Variants in CACYBP observed in about 807,000 individuals in gnomAD.
The protein encoded by CACYBP is calcyclin binding protein.
CACYBP carries 11 observed loss-of-function variants against 29.6 expected under a neutral mutation model. That is an observed-to-expected ratio of 0.37 (90% CI 0.23 to 0.61). The LOEUF is 0.61. Among genes scored for constraint, CACYBP ranks in the 20% least tolerant of loss-of-function variants. The pLI is 0.65. For missense variants in CACYBP, 163 were observed against 260.7 expected (o/e 0.63, Z 2.58); for synonymous variants, 73 against 88.3 (o/e 0.83, Z 0.97).
Position 175,010,008 on chromosome 1 carries a change from A to C in CACYBP, c.616A>C (p.Met206Leu), listed in dbSNP as rs775702921. Reference sequence around the variant, plus strand: ...AATTTATGAAGATGGAGACGATGATATGAAGCGAACCATTAATAAAGCCTG... The same window carrying C: ...AATTTATGAAGATGGAGACGATGATCTGAAGCGAACCATTAATAAAGCCTG... ...KKIYEDGDDD[M>L]KRTINKAWVE... The change falls in exon 6 of 6, where the codon ATG (methionine) becomes CTG (leucine). Residue 206 changes from methionine (M) to leucine (L), a missense_variant. By Grantham distance (15) the Met-to-Leu change is conservative. Coordinates refer to ENST00000367679, the MANE Select transcript of CACYBP (RefSeq NM_014412.3). 1 of 1,613,726 alleles carries C rather than the reference A, an allele frequency of 6.2e-7. No homozygotes were observed.
chr1:175,008,148 G>A (rs984204795), intron 4 of CACYBP, among the ~76,000 whole-genome samples: 2 of 151,836 alleles, frequency 1.3e-5, no homozygotes, highest in Admixed American at 1.3e-4. Context: ...TGCCTTATAC[G>A]ACTTGGTTTC....
chr1:174,999,793 A>G (rs1672413179), upstream of CACYBP: 1 of 354,752 alleles, frequency 2.8e-6, no homozygotes, highest in Non-Finnish European at 5.2e-6. Flanking sequence ...GTCAGGGCGG[A>G]GAGCAAGACA....
chr1:175,008,475 C>A, intron 4 of CACYBP, 134 bp from the exon 5 acceptor site: 1 of 549,888 alleles, frequency 1.8e-6, no homozygotes, highest in Non-Finnish European at 3.3e-6. Context: ...CCTATTCATA[C>A]AAGTATTACT....
chr1:175,010,309 A>G lies in CACYBP; in HGVS notation c.*230A>G. On this transcript the variant is annotated 3_prime_UTR_variant, in exon 6 of 6. Transcript: ENST00000367679. ...ATTAGTACCCTGGTCATTTTGTTCAAGGAAGGGTTATATTGCATTCTCACG... is the reference window on the plus strand; with the variant it reads ...ATTAGTACCCTGGTCATTTTGTTCAGGGAAGGGTTATATTGCATTCTCACG... 2.8e-6 allele frequency: 1 copy of G among 351,822 alleles called. No individual in the cohort carries two copies. Among genetic ancestry groups the G allele is most frequent in the East Asian group, 4.6e-5 (1 of 21,714 alleles). 21.8% of individuals were successfully genotyped at this position (351,822 alleles called of 1,614,324 possible). A position where few individuals can be genotyped will look rare whatever the true frequency, so the allele number is the denominator to read the frequency against.
intron 1 of CACYBP, 134 bp downstream of exon 1, chr1:175,000,329 C>G: frequency 6.8e-7 from 1 of 1,467,052 alleles, no homozygotes; most frequent in Non-Finnish European, 9.0e-7. Context: ...GCGCCGCCTT[C>G]CCGGGGGACA....
Position 175,011,375 on chromosome 1 carries a change from A to G in CACYBP, c.*1296A>G, listed in dbSNP as rs16847701. The G allele has an allele frequency of 6.6e-6, 1 of 152,024 alleles. No homozygotes were observed. Among genetic ancestry groups the G allele is most frequent in the Admixed American group, 6.5e-5 (1 of 15,276 alleles). 9.4% of individuals were successfully genotyped at this position (152,024 alleles called of 1,614,324 possible). A position where few individuals can be genotyped will look rare whatever the true frequency, so the allele number is the denominator to read the frequency against. ...GGGGTAAAGATGGGTTTTTAATGAT[A>G]CTAAGATAACTGAAAATAGGCATAT... is the stretch of plus-strand genomic sequence containing the variant. On this transcript the variant is annotated 3_prime_UTR_variant, in exon 6 of 6. Transcript: ENST00000367679.
chr1:175,000,924 G>A (rs1231014851), intron 1 of CACYBP, among the ~76,000 whole-genome samples: 1 of 152,216 alleles, frequency 6.6e-6, no homozygotes, highest in Non-Finnish European at 1.5e-5. Context: ...TTAGAAAATG[G>A]GAATGATAGT....
At position 175,009,910 on chromosome 1, in the gene CACYBP, T is replaced by C. The variant is rs962782592; in HGVS notation, c.531-13T>C. On this transcript the variant is annotated splice_polypyrimidine_tract_variant and intron_variant, in intron 5 of 5. Coordinates refer to ENST00000367679, the MANE Select transcript of CACYBP (RefSeq NM_014412.3). The stretch of plus-strand genomic sequence containing the variant: ...TTCGTTTCCCCATTGTTGTATATGT[T>C]TTCTTTTTAAAGGAAGCCCTCCTAT... The C allele has an allele frequency of 6.3e-6, 10 of 1,599,412 alleles. No homozygotes were observed. Among genetic ancestry groups the C allele is most frequent in the Non-Finnish European group, 8.5e-6 (10 of 1,173,728 alleles).
At chr1:175,005,911 A>G (rs1209399938) in intron 2 of CACYBP, among the ~76,000 whole-genome samples, 4 of 152,176 alleles carry the variant, frequency 2.6e-5, no homozygotes, top group Non-Finnish European at 5.9e-5. Flanking sequence ...TCGAGGGTAC[A>G]TAGTAGGTGT....
chr1:175,008,387 T>A (rs1048324594), intron 4 of CACYBP, among the ~76,000 whole-genome samples: 1 of 152,104 alleles, frequency 6.6e-6, no homozygotes, highest in Admixed American at 6.6e-5. Flanking sequence ...TTTGTCTTGA[T>A]AGCACTTTCC....
chr1:175,002,656 A>T (rs1318485199), intron 1 of CACYBP, among the ~76,000 whole-genome samples: 2 of 152,232 alleles, frequency 1.3e-5, no homozygotes, highest in Non-Finnish European at 2.9e-5. Context: ...GTGCAGAAAA[A>T]GCATCAAAGG....
At position 175,008,721 on chromosome 1, in the gene CACYBP, A is replaced by G. The variant is rs143328471; in HGVS notation, c.530+15A>G. ...AAAGAAAAAGAGTGAGTCTACTTCC[A>G]TTTTTTTAAAGAATTTTAGTGTATT... On this transcript the variant is annotated intron_variant, in intron 5 of 5. Transcript: ENST00000367679. 60 of 1,217,068 alleles carry G rather than the reference A, an allele frequency of 4.9e-5. No homozygotes were observed. The African/African-American group carries it at 7.6e-4, about 15-fold the overall frequency. 75.4% of individuals were successfully genotyped at this position (1,217,068 alleles called of 1,614,324 possible).
rs1558327131 is a variant in CACYBP, at chr1:175,010,111, G to C, written c.*32G>C. Reference sequence around the variant, plus strand: ...AAAGTCGTTTTGGGAACTGTGATGTGATGTGGAAATACTGATGTTTCCAGT... The same window carrying C: ...AAAGTCGTTTTGGGAACTGTGATGTCATGTGGAAATACTGATGTTTCCAGT... On this transcript the variant is annotated 3_prime_UTR_variant, in exon 6 of 6. Coordinates refer to ENST00000367679, the MANE Select transcript of CACYBP (RefSeq NM_014412.3). The C allele has an allele frequency of 6.3e-7, 1 of 1,592,062 alleles. No homozygotes were observed. The highest frequency in any genetic ancestry group is 1.4e-5 in the African/African-American group (1 of 74,060).
Position 175,009,979 on chromosome 1 carries a change from A to C in CACYBP, c.587A>C (p.Lys196Thr). The C allele has an allele frequency of 6.2e-7, 1 of 1,613,588 alleles. No individual in the cohort carries two copies. Among genetic ancestry groups the C allele is most frequent in the Non-Finnish European group, 8.5e-7 (1 of 1,179,534 alleles). The change falls in exon 6 of 6, where the codon AAG becomes ACG. Residue 196 changes from lysine (K) to threonine (T), a missense_variant. Lys to Thr is a moderately conservative substitution (Grantham distance 78). Transcript: ENST00000367679. ...AGTGAGGGATTGATGAATGTTCTAA[A>C]GAAAATTTATGAAGATGGAGACGAT... ...DPSEGLMNVLKKIYEDGDDDM... is the reference protein window; with the variant it reads ...DPSEGLMNVLTKIYEDGDDDM...
In CACYBP at chr1:175,004,843, G is replaced by C; in HGVS notation, c.235+10G>C. ...AAAATCAGTAATTATGGTATGACTT[G>C]CTTCCCTATAGCCAGTTCTGCCTCC... is the stretch of plus-strand genomic sequence containing the variant. On this transcript the variant is annotated intron_variant, in intron 2 of 5. Transcript: ENST00000367679. The C allele has an allele frequency of 1.9e-6, 3 of 1,559,850 alleles. No individual in the cohort carries two copies. Among genetic ancestry groups the C allele is most frequent in the Non-Finnish European group, 2.7e-6 (3 of 1,130,508 alleles).
chr1:175,004,256 T>TA (rs1331614155), intron 1 of CACYBP, among the ~76,000 whole-genome samples: 1 of 152,200 alleles, frequency 6.6e-6, no homozygotes, highest in African/African-American at 2.4e-5. Context: ...ACACTCGGAT[T>TA]AGATGTTACA....
At chr1:175,004,391 T>C (rs772706083) in intron 1 of CACYBP, among the ~76,000 whole-genome samples, 14 of 152,218 alleles carry the variant, frequency 9.2e-5, no homozygotes, top group Admixed American at 6.5e-5. Flanking sequence ...ATTTATTGTT[T>C]GTTCAAGATT....
rs868720857 is a variant in CACYBP at position 175,000,243 on chromosome 1, A to C, written c.15+48A>C. The C allele has an allele frequency of 2.8e-5, 44 of 1,569,114 alleles. 1 individual carries two copies. In the Middle Eastern group the frequency reaches 2.7e-3, roughly 95 times the overall value. On this transcript the variant is annotated intron_variant, in intron 1 of 5. Transcript: ENST00000367679. ...CCTTATGCCCCCCGGCTGGAGCTGC[A>C]GCGCCAGCCTCCCGCCCTACCGCCG...
At chr1:175,000,488 G>T in intron 1 of CACYBP, 1 of 1,332,390 alleles carries the variant, frequency 7.5e-7, no homozygotes, top group East Asian at 3.4e-5. Context: ...CCCTTTGCGC[G>T]TGTTCCTCAG....
Sources: allele counts gnomAD v4.1 joint callset (sites outside exome capture counted in the v4.1 genomes callset), GRCh38; gene constraint gnomAD v4.1.1; transcripts MANE v1.5; gene names NCBI Gene and HGNC (gene_info 2026-07-23, HGNC 2026-07-21).